TSPAN18: variants seen among roughly 807,000 people sequenced by gnomAD.
TSPAN18 encodes the protein tetraspanin 18.
A neutral mutation model predicts 27.3 loss-of-function variants in TSPAN18; 14 were observed. The observed-to-expected ratio is 0.51, with a 90% CI of 0.34 to 0.80. The LOEUF is 0.80. Among genes scored for constraint, TSPAN18 ranks in the 30% least tolerant of loss-of-function variants. TSPAN18 has a pLI of 0.01. For missense variants in TSPAN18, 268 were observed against 323.9 expected (o/e 0.83, Z 1.32); for synonymous variants, 143 against 136.5 (o/e 1.05, Z -0.33).
chr11:44,806,485 C>T (rs571871030), intron 2 of TSPAN18, among the ~76,000 whole-genome samples: 1 of 152,172 alleles, frequency 6.6e-6, no homozygotes, highest in East Asian at 1.9e-4. Flanking sequence ...TCCTAACAAG[C>T]CAACTTCAGC....
At position 44,900,680 on chromosome 11, in the gene TSPAN18, C is replaced by CTTTTTT. The variant is rs72469181; in HGVS notation, c.-10-5701_-10-5696dup. Reference sequence around the variant, plus strand: ...TATTTTCCATACAACTTGAGGAAGGCTTTTTTTTTTTTTTTTTTTTTTTTT... The same window carrying CTTTTTT: ...TATTTTCCATACAACTTGAGGAAGGCTTTTTTTTTTTTTTTTTTTTTTTTTTTTTTT... On this transcript the variant is annotated intron_variant, in intron 3 of 9. Coordinates refer to ENST00000520358, the MANE Select transcript of TSPAN18 (RefSeq NM_130783.5). Among the ~76,000 whole-genome samples the CTTTTTT allele has an allele frequency of 3.4e-4, 17 of 49,730 alleles. 3 individuals are homozygous for CTTTTTT. The highest frequency in any genetic ancestry group is 1.3e-3 in the African/African-American group (14 of 11,124). 32.6% of individuals were successfully genotyped at this position (49,730 alleles called of 152,430 possible).
chr11:44,837,705 C>A (rs145013634), intron 2 of TSPAN18, among the ~76,000 whole-genome samples: 144 of 152,326 alleles, frequency 9.5e-4, no homozygotes, highest in African/African-American at 3.1e-3. Context: ...CTTCAGCAAC[C>A]ACTGCCCTGA....
At chr11:44,814,375 T>C (rs986591166) in intron 2 of TSPAN18, among the ~76,000 whole-genome samples, 1 of 152,156 alleles carries the variant, frequency 6.6e-6, no homozygotes, top group Non-Finnish European at 1.5e-5. Context: ...AAACTCACTG[T>C]CTTGTCTTGA....
chr11:44,800,006 G>GGTTTTTTTTTTTTTTTTTT (rs1554985027), intron 2 of TSPAN18, among the ~76,000 whole-genome samples: 1 of 109,398 alleles, frequency 9.1e-6, no homozygotes, highest in Non-Finnish European at 1.8e-5. Context: ...AATTTTTTGT[G>GGTTTTTTTTTTTTTTTTTT]TTTTTTTTTT....
At chr11:44,770,407 G>C (rs1022787451) in intron 2 of TSPAN18, among the ~76,000 whole-genome samples, 14 of 152,122 alleles carry the variant, frequency 9.2e-5, no homozygotes, top group African/African-American at 3.1e-4. Flanking sequence ...CGGGGAAGAG[G>C]CTTCCTGTTT....
At chr11:44,922,875 G>A (rs944085345) in intron 8 of TSPAN18, among the ~76,000 whole-genome samples, 25 of 152,280 alleles carry the variant, frequency 1.6e-4, no homozygotes, top group African/African-American at 5.5e-4. Context: ...TTGGGAGGCC[G>A]AGGCGGGCGG....
chr11:44,831,899 T>G (rs59796785), intron 2 of TSPAN18, among the ~76,000 whole-genome samples: 3,739 of 151,892 alleles, frequency 0.025, 146 homozygotes, highest in African/African-American at 0.084. Flanking sequence ...CTGAATGAAA[T>G]GGAGGGAGCT....
chr11:44,804,295 G>A (rs1477641560), intron 2 of TSPAN18, among the ~76,000 whole-genome samples: 1 of 152,182 alleles, frequency 6.6e-6, no homozygotes, highest in Non-Finnish European at 1.5e-5. Flanking sequence ...GTTTCACCAT[G>A]TTGGCCAGGC....
At chr11:44,826,895 T>G (rs1265633031) in intron 2 of TSPAN18, among the ~76,000 whole-genome samples, 1 of 152,202 alleles carries the variant, frequency 6.6e-6, no homozygotes, top group African/African-American at 2.4e-5. Flanking sequence ...TATACACTTT[T>G]TGCCCTCCCT....
At chr11:44,917,882 T>C in intron 5 of TSPAN18, 90 bp from the exon 6 acceptor site, 1 of 1,181,768 alleles carries the variant, frequency 8.5e-7, no homozygotes. Flanking sequence ...ACTGCGTCAC[T>C]GGTGTGACAG....
chr11:44,873,158 A>G (rs754938587), intron 3 of TSPAN18, among the ~76,000 whole-genome samples: 3 of 152,204 alleles, frequency 2.0e-5, no homozygotes, highest in Non-Finnish European at 2.9e-5. Flanking sequence ...TTTCCATTCT[A>G]AGATATTCCA....
intron 2 of TSPAN18, among the ~76,000 whole-genome samples, chr11:44,804,979 T>C (rs1439999469): frequency 6.6e-6 from 1 of 152,116 alleles, no homozygotes; most frequent in Admixed American, 6.5e-5. Context: ...AGAAGTCAGT[T>C]TGTGGAGAAA....
At chr11:44,836,295 G>A (rs1025992652) in intron 2 of TSPAN18, among the ~76,000 whole-genome samples, 5 of 152,160 alleles carry the variant, frequency 3.3e-5, no homozygotes, top group Non-Finnish European at 7.3e-5. Flanking sequence ...GAAAGTTTTA[G>A]TTGTCTGGAT....
chr11:44,883,304 C>G (rs1022272108), intron 3 of TSPAN18, among the ~76,000 whole-genome samples: 1 of 152,216 alleles, frequency 6.6e-6, no homozygotes, highest in Non-Finnish European at 1.5e-5. Flanking sequence ...TACCTGAATC[C>G]TTTCCTCCCA....
At chr11:44,734,524 G>A (rs1854741219) in intron 1 of TSPAN18, among the ~76,000 whole-genome samples, 1 of 152,250 alleles carries the variant, frequency 6.6e-6, no homozygotes, top group Non-Finnish European at 1.5e-5. Context: ...AAGAGGAAGA[G>A]CTGCCCTTGG....
At chr11:44,875,002 G>A (rs142880834) in intron 3 of TSPAN18, among the ~76,000 whole-genome samples, 59 of 152,332 alleles carry the variant, frequency 3.9e-4, no homozygotes, top group Non-Finnish European at 6.9e-4. Flanking sequence ...GGGGGCAGAG[G>A]GGGCAAGACC....
At chr11:44,828,797 C>T (rs1857097035) in intron 2 of TSPAN18, among the ~76,000 whole-genome samples, 2 of 152,162 alleles carry the variant, frequency 1.3e-5, no homozygotes, top group Non-Finnish European at 1.5e-5. Context: ...CCTGACTCTC[C>T]CCCTGCTTCA....
chr11:44,881,075 C>T (rs2135259311), intron 3 of TSPAN18, among the ~76,000 whole-genome samples: 1 of 152,262 alleles, frequency 6.6e-6, no homozygotes, highest in East Asian at 1.9e-4. Context: ...GTTCAAATCT[C>T]AGCTCTGCCA....
intron 2 of TSPAN18, among the ~76,000 whole-genome samples, chr11:44,772,439 A>G (rs1227965710): frequency 2.0e-5 from 3 of 152,132 alleles, no homozygotes; most frequent in Non-Finnish European, 2.9e-5. Flanking sequence ...AAATGTAAAA[A>G]GGTAACGGGT....
Sources: allele counts gnomAD v4.1 joint callset (sites outside exome capture counted in the v4.1 genomes callset), GRCh38; gene constraint gnomAD v4.1.1; transcripts MANE v1.5; gene names NCBI Gene and HGNC (gene_info 2026-07-23, HGNC 2026-07-21).